Variants in TRIM7 observed in about 807,000 individuals in gnomAD.
TRIM7 encodes tripartite motif containing 7.
TRIM7 carries 32 observed loss-of-function variants against 37.9 expected under a neutral mutation model. The ratio of observed to expected loss-of-function variants is 0.84; its 90% CI spans 0.64 to 1.13. The LOEUF is 1.13. Among genes scored for constraint, TRIM7 ranks in the 50% most tolerant of loss-of-function variants. TRIM7 has a pLI of 0.00. For missense variants in TRIM7, 732 were observed against 714.0 expected, an observed-to-expected ratio of 1.03 and a Z score of -0.29; for synonymous variants, 351 against 321.3, an observed-to-expected ratio of 1.09 and a Z score of -0.99.
intron 1 of TRIM7, chr5:181,203,884 C>A: frequency 1.6e-6 from 2 of 1,281,772 alleles, no homozygotes; most frequent in Non-Finnish European, 2.0e-6. Flanking sequence ...GCAGCCCTAC[C>A]CCTAGTCGTC....
In TRIM7 at chr5:181,195,238, G is replaced by A; in HGVS notation, c.1464C>T (p.Val488=). The A allele has an allele frequency of 6.2e-7, 1 of 1,613,166 alleles. No individual in the cohort carries two copies. The highest frequency in any genetic ancestry group is 8.5e-7 in the Non-Finnish European group (1 of 1,179,606). ...GCGGGAACACGCGCTCCTGGAAGTTGACGCGGAAGGTGTAGAGGTGGCGCA... is the reference window on the plus strand; with the variant it reads ...GCGGGAACACGCGCTCCTGGAAGTTAACGCGGAAGGTGTAGAGGTGGCGCA... ...EDMRHLYTFR[V]NFQERVFPLF... The change falls in exon 7 of 7, where the codon GTC becomes GTT. Residue 488 remains valine (V), a synonymous_variant. Coordinates refer to ENST00000274773, the MANE Select transcript of TRIM7 (RefSeq NM_203293.3).
chr5:181,198,595 C>G (rs1440899890), intron 5 of TRIM7, 95 bp downstream of exon 5: 3 of 868,922 alleles, frequency 3.5e-6, no homozygotes, highest in East Asian at 5.0e-5. Flanking sequence ...TTTTCACACA[C>G]AGCTTCTGGA....
In TRIM7 at chr5:181,199,114, A is replaced by G; in HGVS notation, c.853T>C (p.Phe285Leu). The G allele has an allele frequency of 1.2e-6, 2 of 1,614,218 alleles. No individual in the cohort carries two copies. The highest frequency in any genetic ancestry group is 1.7e-6 in the Non-Finnish European group (2 of 1,180,036). Residue 285 changes from phenylalanine (F) to leucine (L), a missense_variant, in exon 4 of 7, where the codon TTC becomes CTC. Phe to Leu is a conservative substitution (Grantham distance 22). Coordinates refer to ENST00000274773, the MANE Select transcript of TRIM7 (RefSeq NM_203293.3). ...ACTCACCTGCTCAGCGTGCTTTTGA[A>G]TTCCTGGAAGGAAAGATAGAGGAAA... ...QKPDLDFLQE[F>L]KSTLSRCSNV...
intron 3 of TRIM7, chr5:181,199,643 G>A (rs114455080): frequency 0.05 from 35,566 of 716,752 alleles, 1,159 homozygotes; most frequent in South Asian, 0.12. Context: ...TCTGAAATAC[G>A]ATATATATTA....
In TRIM7 at chr5:181,195,639, G is replaced by A. The variant is rs750167421; in HGVS notation, c.1063C>T (p.Leu355Phe). The A allele has an allele frequency of 2.8e-5, 43 of 1,538,164 alleles. No homozygotes were observed. In the South Asian group the frequency reaches 5.4e-4, roughly 19 times the overall value. The change falls in exon 7 of 7, where the codon CTC (leucine) becomes TTC (phenylalanine). Residue 355 changes from leucine to phenylalanine, a missense_variant. Physicochemically the swap from Leu to Phe is conservative, Grantham distance 22. Transcript: ENST00000274773. Reference protein sequence around the residue: ...TLDPDTANPRLILSLDLKGVR... With the variant: ...TLDPDTANPRFILSLDLKGVR... ...CCCTTAAGATCCAGAGAGAGGATGA[G>A]GCGCGGGTTGGCCGTGTCGGGATCC...
intron 2 of TRIM7, chr5:181,200,460 T>C: frequency 8.5e-7 from 1 of 1,183,134 alleles, no homozygotes; most frequent in South Asian, 3.0e-5. Context: ...GATTGCTTTT[T>C]CTTCCTCAAG....
Position 181,200,064 on chromosome 5 carries a change from C to T in TRIM7, c.636G>A (p.Glu212=). 2 of 1,614,250 alleles carry T rather than the reference C, an allele frequency of 1.2e-6. No homozygotes were observed. Among genetic ancestry groups the T allele is most frequent in the Non-Finnish European group, 1.7e-6 (2 of 1,180,046 alleles). Residue 212 remains glutamate, a synonymous_variant, in exon 3 of 7, where the codon GAG becomes GAA. Transcript: ENST00000274773. The stretch of plus-strand genomic sequence containing the variant: ...GGAACTCTGCCCCCACCTTCTCCTG[C>T]TCCGCTGCCATCTGTTTCTGTCCCA... ...SKELLKQMAA[E]QEKVGAEFQA... is the part of the protein sequence containing the mutation.
chr5:181,203,354 T>C (rs1362448435), intron 2 of TRIM7, 191 bp downstream of exon 2: 1 of 1,411,516 alleles, frequency 7.1e-7, no homozygotes, highest in Non-Finnish European at 9.2e-7. Flanking sequence ...TAGCACTGCT[T>C]TTCACTTTAA....
intron 4 of TRIM7, 60 bp from the exon 5 acceptor site, chr5:181,198,865 A>G (rs1582228546): frequency 1.5e-6 from 2 of 1,371,812 alleles, no homozygotes; most frequent in East Asian, 2.3e-5. Flanking sequence ...ACAGGCTGTG[A>G]CAATTAGGAT....
chr5:181,204,757 A>T lies in TRIM7; in HGVS notation c.354T>A (p.Ser118=). 6.9e-7 allele frequency: 1 copy of T among 1,450,958 alleles called. No individual in the cohort carries two copies. Among genetic ancestry groups the T allele is most frequent in the South Asian group, 1.4e-5 (1 of 73,564 alleles). 89.9% of individuals were successfully genotyped at this position (1,450,958 alleles called of 1,614,324 possible). A position where few individuals can be genotyped will look rare whatever the true frequency, so the allele number is the denominator to read the frequency against. The stretch of plus-strand genomic sequence containing the variant: ...CCGCTGCCCGGGCCGCGGCCGCCTG[A>T]GACCCGTGCTCTCCCGGGGCAGCCG... ...LPAAAPGEHG[S]QAAAARAAAA... The change falls in exon 1 of 7, where the codon TCT becomes TCA. Residue 118 remains serine (S), a synonymous_variant. Transcript: ENST00000274773.
chr5:181,199,500 C>T, intron 3 of TRIM7: 1 of 474,828 alleles, frequency 2.1e-6, no homozygotes, highest in Non-Finnish European at 3.7e-6. Flanking sequence ...GTTCTTAACC[C>T]ATCTATGGAT....
Position 181,204,894 on chromosome 5 carries a change from G to C in TRIM7, c.217C>G (p.Pro73Ala), listed in dbSNP as rs2770946. ...GSVGAATRAP[P>A]FPLPCPQCRE... ...CACTGCGGACAGGGCAGTGGGAAGGGGGGCGCGCGGGTGGCGGCCCCAACA... is the reference window on the plus strand; with the variant it reads ...CACTGCGGACAGGGCAGTGGGAAGGCGGGCGCGCGGGTGGCGGCCCCAACA... The change falls in exon 1 of 7, where the codon CCC becomes GCC. Residue 73 changes from proline to alanine, a missense_variant. Physicochemically the swap from Pro to Ala is conservative, Grantham distance 27. Transcript: ENST00000274773. 2 of 1,369,608 alleles carry C rather than the reference G, an allele frequency of 1.5e-6. No individual in the cohort carries two copies. The highest frequency in any genetic ancestry group is 1.9e-6 in the Non-Finnish European group (2 of 1,071,168). 84.8% of individuals were successfully genotyped at this position (1,369,608 alleles called of 1,614,324 possible). A position where few individuals can be genotyped will look rare whatever the true frequency, so the allele number is the denominator to read the frequency against.
At chr5:181,199,167 C>A (rs777863266) in intron 3 of TRIM7, 50 bp from the exon 4 acceptor site, 44 of 1,610,940 alleles carry the variant, frequency 2.7e-5, no homozygotes, top group Non-Finnish European at 3.3e-5. Context: ...AACCTCCATT[C>A]ACCTCTGAGA....
rs756135753 is a variant in TRIM7 at position 181,195,483 on chromosome 5, C to G, written c.1219G>C (p.Asp407His). The G allele has an allele frequency of 2.5e-6, 4 of 1,612,492 alleles. No individual in the cohort carries two copies. The highest frequency in any genetic ancestry group is 2.5e-6 in the Non-Finnish European group (3 of 1,179,714). Residue 407 changes from aspartate (D) to histidine (H), a missense_variant, in exon 7 of 7, where the codon GAC becomes CAC. By Grantham distance (81) the Asp-to-His change is moderately conservative (BLOSUM62 -1). Transcript: ENST00000274773. ...CGGGCCACGCCAAAGGCCCAGCCGT[C>G]CTTAGAGCCCACCTCCACCTCCCAG... The part of the protein sequence containing the change: ...HHWEVEVGSK[D>H]GWAFGVARES...
chr5:181,195,117 A>G lies in TRIM7; in HGVS notation c.*49T>C, dbSNP rs1043948496. The G allele has an allele frequency of 6.5e-7, 1 of 1,546,660 alleles. No individual in the cohort carries two copies. Among genetic ancestry groups the G allele is most frequent in the Non-Finnish European group, 8.8e-7 (1 of 1,142,846 alleles). On this transcript the variant is annotated 3_prime_UTR_variant, in exon 7 of 7. Coordinates refer to ENST00000274773, the MANE Select transcript of TRIM7 (RefSeq NM_203293.3). ...GACCAGGCATCTCTGGGGAGGCGAC[A>G]TCCCCTCCCACCGGCAGCCCAGAGA...
chr5:181,198,378 G>T (rs1240404299), intron 5 of TRIM7, 160 bp from the exon 6 acceptor site: 1 of 777,262 alleles, frequency 1.3e-6, no homozygotes, highest in Non-Finnish European at 2.2e-6. Context: ...GGAGCGGGGG[G>T]CAGGGGGCCC....
Position 181,199,136 on chromosome 5 carries a change from G to T in TRIM7, c.850-19C>A, listed in dbSNP as rs1202526758. ...TGAATTCCTGGAAGGAAAGATAGAG[G>T]AAACCAAATCAGCATCAGGTAACCT... On this transcript the variant is annotated intron_variant, in intron 3 of 6. Transcript: ENST00000274773. The T allele has an allele frequency of 6.2e-7, 1 of 1,614,176 alleles. No homozygotes were observed. Among genetic ancestry groups the T allele is most frequent in the Non-Finnish European group, 8.5e-7 (1 of 1,180,026 alleles).
chr5:181,195,942 G>A (rs1757093781), intron 6 of TRIM7: 2 of 428,230 alleles, frequency 4.7e-6, no homozygotes, highest in Non-Finnish European at 8.2e-6. Context: ...AACAGATGGG[G>A]ATATTTGAAT....
At position 181,194,922 on chromosome 5, in the gene TRIM7, A is replaced by G; in HGVS notation, c.*244T>C. 1 of 465,526 alleles carries G rather than the reference A, an allele frequency of 2.1e-6. No individual in the cohort carries two copies. The highest frequency in any genetic ancestry group is 3.8e-6 in the Non-Finnish European group (1 of 266,082). 28.8% of individuals were successfully genotyped at this position (465,526 alleles called of 1,614,324 possible). On this transcript the variant is annotated 3_prime_UTR_variant, in exon 7 of 7. Coordinates refer to ENST00000274773, the MANE Select transcript of TRIM7 (RefSeq NM_203293.3). ...GACCTCACCGGCCTCCACCTCCTGA[A>G]GGCTCTGGCCAAATCCACATGTGAC...
Sources: allele counts gnomAD v4.1 joint callset, GRCh38; gene constraint gnomAD v4.1.1; transcripts MANE v1.5; gene names NCBI Gene and HGNC (gene_info 2026-07-23, HGNC 2026-07-21).